TRIM2: variants seen among roughly 807,000 people sequenced by gnomAD.
TRIM2 encodes tripartite motif-containing protein 2.
In TRIM2, 20 loss-of-function variants were observed where a neutral mutation model predicts 75.2. The observed-to-expected ratio is 0.27, with a 90% CI of 0.19 to 0.39. The LOEUF (loss-of-function observed/expected upper bound fraction) is 0.39. TRIM2 is among the 10% of genes least tolerant of loss of function. The probability of loss-of-function intolerance (pLI) is 1.00; values close to 1 mark genes in which losing one functional copy is unlikely to be tolerated. For missense variants in TRIM2, 660 were observed against 990.8 expected, an observed-to-expected ratio of 0.67 and a Z score of 4.48; for synonymous variants, 373 against 388.3, an observed-to-expected ratio of 0.96 and a Z score of 0.46.
At chr4:153,167,372 GA>G (rs1031291507) in intron 1 of TRIM2, among the ~76,000 whole-genome samples, 1 of 152,068 alleles carries the variant, frequency 6.6e-6, no homozygotes, top group African/African-American at 2.4e-5. Context: ...TTGGCAATAA[GA>G]AAAGGAAAAA....
chr4:153,275,634 A>G (rs548698980), intron 2 of TRIM2, among the ~76,000 whole-genome samples: 5 of 152,364 alleles, frequency 3.3e-5, no homozygotes, highest in Admixed American at 3.3e-4. Context: ...TCATCCATGG[A>G]CCACACTTTG....
At chr4:153,301,240 A>G (rs1194974996) in intron 6 of TRIM2, among the ~76,000 whole-genome samples, 1 of 151,884 alleles carries the variant, frequency 6.6e-6, no homozygotes, top group Admixed American at 6.6e-5. Context: ...CAGGCTGAAT[A>G]CAAACTCTGG....
In TRIM2 at chr4:153,276,132, T is replaced by C. The variant is rs756635357; in HGVS notation, c.453+2T>C. On this transcript the variant is annotated splice_donor_variant, in intron 3 of 11. Coordinates refer to ENST00000338700, the MANE Select transcript of TRIM2 (RefSeq NM_015271.5). LOFTEE classifies it high-confidence loss of function. Reference sequence around the variant, plus strand: ...TCTTGCCCAAACCACGATGGGAATGTAAGTGGCTGGGATGGCAGATACTGC... The same window carrying C: ...TCTTGCCCAAACCACGATGGGAATGCAAGTGGCTGGGATGGCAGATACTGC... 1 of 1,613,434 alleles carries C rather than the reference T, an allele frequency of 6.2e-7. No individual in the cohort carries two copies.
chr4:153,172,005 A>G (rs962447831), intron 1 of TRIM2, among the ~76,000 whole-genome samples: 1 of 152,104 alleles, frequency 6.6e-6, no homozygotes, highest in African/African-American at 2.4e-5. Flanking sequence ...TACCTAGACC[A>G]TATTCAAATT....
At chr4:153,294,131 ATCTCT>A (rs1047051107) in intron 4 of TRIM2, among the ~76,000 whole-genome samples, 169 bp from the exon 5 acceptor site, 1 of 151,834 alleles carries the variant, frequency 6.6e-6, no homozygotes, top group African/African-American at 2.4e-5. Flanking sequence ...AAGAGACAAA[ATCTCT>A]TCTCTCTAAG....
intron 1 of TRIM2, among the ~76,000 whole-genome samples, chr4:153,196,889 A>G (rs79512944): frequency 0.042 from 6,413 of 152,330 alleles, 156 homozygotes; most frequent in South Asian, 0.056. Flanking sequence ...AAGGGCTCCC[A>G]GGCCATTGCT....
intron 10 of TRIM2, among the ~76,000 whole-genome samples, chr4:153,324,690 A>T (rs28632103): frequency 0.019 from 2,911 of 152,258 alleles, 81 homozygotes; most frequent in African/African-American, 0.066. Flanking sequence ...GGGAGAGAGA[A>T]TTGAACTTTA....
Position 153,322,690 on chromosome 4 carries a change from T to C in TRIM2, c.1825T>C (p.Ser609Pro). The C allele has an allele frequency of 6.2e-7, 1 of 1,614,164 alleles. No homozygotes were observed. The change falls in exon 9 of 12, where the codon TCT becomes CCT. Residue 609 changes from serine to proline, a missense_variant. Ser to Pro is a moderately conservative substitution (Grantham distance 74, BLOSUM62 -1). Around this residue, in one of 2 missense-constraint regions of TRIM2, gnomAD observed 620 missense variants for 891.0 expected, o/e 0.70. Coordinates refer to ENST00000338700, the MANE Select transcript of TRIM2 (RefSeq NM_015271.5). ...SGKLMGPKGV[S>P]VDRNGHIIVV... is the part of the protein sequence containing the mutation. ...AAAGCTGATGGGACCCAAAGGAGTT[T>C]CTGTGGACCGCAATGGGCACATTAT...
At chr4:153,334,570 G>T (rs1320480045) in intron 11 of TRIM2, among the ~76,000 whole-genome samples, 1 of 152,026 alleles carries the variant, frequency 6.6e-6, no homozygotes, top group Non-Finnish European at 1.5e-5. Flanking sequence ...ACTGGGCATG[G>T]TGGCTCATGG....
chr4:153,186,231 T>G (rs758944707), intron 1 of TRIM2, among the ~76,000 whole-genome samples: 22 of 152,058 alleles, frequency 1.4e-4, no homozygotes, highest in Non-Finnish European at 2.6e-4. Context: ...GTCTGAGTGC[T>G]GGGAACTGGG....
chr4:153,288,418 C>G (rs1012876043), intron 3 of TRIM2, among the ~76,000 whole-genome samples: 12 of 152,042 alleles, frequency 7.9e-5, no homozygotes, highest in Admixed American at 2.6e-4. Flanking sequence ...GCCTGGGTGA[C>G]AGAGTGAGAC....
intron 1 of TRIM2, among the ~76,000 whole-genome samples, chr4:153,264,341 T>C (rs1036951424): frequency 5.9e-5 from 9 of 152,228 alleles, no homozygotes; most frequent in Admixed American, 2.0e-4. Context: ...ATGTGTCTGA[T>C]GTTAGTTCCT....
In TRIM2 at chr4:153,219,290, G is replaced by T. The variant is rs556014161; in HGVS notation, c.30+14730G>T. ...GAGTGGCAGTCATAAAGCCCGATCC[G>T]CCAGAAAAAAACCTACCAGGAAATG... On this transcript the variant is annotated intron_variant, in intron 1 of 11. Coordinates refer to ENST00000338700, the MANE Select transcript of TRIM2 (RefSeq NM_015271.5). 3.3e-5 allele frequency among the ~76,000 whole-genome samples: 5 copies of T among 152,014 alleles called. No homozygotes were observed. The South Asian group carries it at 6.2e-4, about 19-fold the overall frequency.
chr4:153,203,965 G>T (rs2149684652), upstream of TRIM2, among the ~76,000 whole-genome samples: 1 of 152,296 alleles, frequency 6.6e-6, no homozygotes, highest in South Asian at 2.1e-4. Flanking sequence ...TGTAGATGAG[G>T]TGAGTGCTCC....
chr4:153,199,780 C>G (rs752858667), upstream of TRIM2, among the ~76,000 whole-genome samples: 1 of 151,680 alleles, frequency 6.6e-6, no homozygotes, highest in South Asian at 2.1e-4. Flanking sequence ...TTATTTTTAT[C>G]ATATTTTTTA....
At chr4:153,172,230 C>T (rs1304089430) in intron 1 of TRIM2, among the ~76,000 whole-genome samples, 4 of 151,966 alleles carry the variant, frequency 2.6e-5, no homozygotes, top group Admixed American at 2.6e-4. Flanking sequence ...CTCTTTCACC[C>T]AGGCCGGAGT....
At chr4:153,193,127 C>CTTTTTT (rs141233060) in intron 1 of TRIM2, among the ~76,000 whole-genome samples, 6 of 106,694 alleles carry the variant, frequency 5.6e-5, no homozygotes, top group African/African-American at 1.6e-4. Context: ...AGTGAATAAT[C>CTTTTTT]TTTTTTTTTT....
At chr4:153,279,539 T>C (rs1260775083) in intron 3 of TRIM2, among the ~76,000 whole-genome samples, 1 of 152,200 alleles carries the variant, frequency 6.6e-6, no homozygotes, top group Non-Finnish European at 1.5e-5. Flanking sequence ...TTATATCCAA[T>C]GTGTAGGGTC....
At chr4:153,217,401 T>C (rs1738777950) in intron 1 of TRIM2, among the ~76,000 whole-genome samples, 1 of 151,998 alleles carries the variant, frequency 6.6e-6, no homozygotes, top group African/African-American at 2.4e-5. Flanking sequence ...CAGGGGAAGA[T>C]GAAGAAAAGG....
Sources: allele counts gnomAD v4.1 joint callset (sites outside exome capture counted in the v4.1 genomes callset), GRCh38; gene constraint gnomAD v4.1.1; regional missense constraint gnomAD v4.1.1; transcripts MANE v1.5; gene names NCBI Gene and HGNC (gene_info 2026-07-23, HGNC 2026-07-21).